IL21R: variants seen among roughly 807,000 people sequenced by gnomAD.
The protein encoded by IL21R is interleukin 21 receptor.
A neutral mutation model predicts 41.3 loss-of-function variants in IL21R; 14 were observed. The observed-to-expected ratio is 0.34, with a 90% confidence interval of 0.22 to 0.53. IL21R has a LOEUF of 0.53. IL21R is among the 20% of genes least tolerant of loss of function. The probability of loss-of-function intolerance (pLI) is 0.94; values close to 1 mark genes in which losing one functional copy is unlikely to be tolerated. For synonymous variants in IL21R, 286 were observed against 287.6 expected (o/e 0.99, Z 0.05); for missense variants, 588 against 681.6 (o/e 0.86, Z 1.53).
At chr16:27,410,981 G>A (rs973140585) in intron 1 of IL21R, among the ~76,000 whole-genome samples, 7 of 152,118 alleles carry the variant, frequency 4.6e-5, no homozygotes, top group Non-Finnish European at 5.9e-5. Context: ...CATCCATGTC[G>A]TAACATATGA....
rs539899147 is a variant in IL21R, at chr16:27,442,395, G to A, written c.353-567G>A. On this transcript the variant is annotated intron_variant, in intron 4 of 8. Transcript: ENST00000337929. ...TTGTTCGTTTTTGAGATGGAGTCTC[G>A]CTCTGTCGCCCGGGCTGGAGTGCAG... is the stretch of plus-strand genomic sequence containing the variant. Among the ~76,000 whole-genome samples, 69 of 152,172 alleles carry A rather than the reference G, an allele frequency of 4.5e-4. 1 individual carries two copies. The highest frequency in any genetic ancestry group is 1.5e-3 in the African/African-American group (62 of 41,518).
At chr16:27,447,604 C>G (rs2087505319) in intron 8 of IL21R, 1 of 152,268 alleles carries the variant, frequency 6.6e-6, no homozygotes, top group Non-Finnish European at 1.5e-5. Context: ...CACCCACATC[C>G]TTTATCCTCA....
intron 1 of IL21R, among the ~76,000 whole-genome samples, chr16:27,418,116 C>T (rs1343429940): frequency 1.3e-5 from 2 of 151,428 alleles, no homozygotes; most frequent in Non-Finnish European, 2.9e-5. Context: ...ATCGCCCAGG[C>T]TGGAGTGCAG....
rs553596346 is a variant in IL21R, at chr16:27,450,582, C to CTTTTTTT, written c.*1307_*1313dup. 11 of 181,490 alleles carry CTTTTTTT rather than the reference C, an allele frequency of 6.1e-5. No individual in the cohort carries two copies. Among genetic ancestry groups the CTTTTTTT allele is most frequent in the African/African-American group, 1.2e-4 (5 of 41,202 alleles). 11.2% of individuals were successfully genotyped at this position (181,490 alleles called of 1,614,324 possible). A position where few individuals can be genotyped will look rare whatever the true frequency, so the allele number is the denominator to read the frequency against. On this transcript the variant is annotated 3_prime_UTR_variant, in exon 9 of 9. Coordinates refer to ENST00000337929, the MANE Select transcript of IL21R (RefSeq NM_181078.3). ...TATTTCTTAGCAACATTTTCTTTTT[C>CTTTTTTT]TTTTTTTTTTTTTTCTTTTGAGACA...
At position 27,443,116 on chromosome 16, in the gene IL21R, G is replaced by T. The variant is rs1370676088; in HGVS notation, c.507G>T (p.Val169=). 6.2e-7 allele frequency: 1 copy of T among 1,608,206 alleles called. No homozygotes were observed. Among genetic ancestry groups the T allele is most frequent in the Non-Finnish European group, 8.5e-7 (1 of 1,177,272 alleles). Residue 169 remains valine, a splice_region_variant and synonymous_variant, in exon 5 of 9, where the codon GTG becomes GTT. Coordinates refer to ENST00000337929, the MANE Select transcript of IL21R (RefSeq NM_181078.3). ...QYRNRGDPWA[V]SPRRKLISVD... is the part of the protein sequence containing the mutation. ...GGAACCGGGGAGACCCCTGGGCTGT[G>T]GTGAGGAATGTGGGGATCAGTGCAG...
Position 27,445,189 on chromosome 16 carries a change from G to A in IL21R, c.698G>A (p.Gly233Asp). ...GCTTCCTTCCCAGAGTTAAAGGAAG[G>A]CTGGAACCCTCACCTGCTGCTTCTC... Reference protein sequence around the residue: ...FQTQSEELKEGWNPHLLLLLL... With the variant: ...FQTQSEELKEDWNPHLLLLLL... The change falls in exon 7 of 9, where the codon GGC (glycine) becomes GAC (aspartate). Residue 233 changes from glycine to aspartate, a missense_variant. Coordinates refer to ENST00000337929, the MANE Select transcript of IL21R (RefSeq NM_181078.3). 1.2e-6 allele frequency: 2 copies of A among 1,613,570 alleles called. No homozygotes were observed. Among genetic ancestry groups the A allele is most frequent in the Non-Finnish European group, 1.7e-6 (2 of 1,179,584 alleles).
chr16:27,418,231 G>A (rs1054006578), intron 1 of IL21R, among the ~76,000 whole-genome samples: 9 of 151,054 alleles, frequency 6.0e-5, no homozygotes, highest in African/African-American at 1.7e-4. Flanking sequence ...CACTGCGCCC[G>A]GCTAATTTTT....
At chr16:27,414,005 C>G (rs139517490) in intron 1 of IL21R, among the ~76,000 whole-genome samples, 1 of 151,856 alleles carries the variant, frequency 6.6e-6, no homozygotes, top group African/African-American at 2.4e-5. Flanking sequence ...TCTTATATAA[C>G]TTAAACACAT....
intron 1 of IL21R, among the ~76,000 whole-genome samples, chr16:27,417,125 G>T (rs892648044): frequency 6.7e-6 from 1 of 150,240 alleles, no homozygotes; most frequent in Non-Finnish European, 1.5e-5. Context: ...ACATATATCC[G>T]CAATTGTTTT....
intron 7 of IL21R, among the ~76,000 whole-genome samples, chr16:27,445,499 C>T (rs953069903): frequency 6.6e-6 from 1 of 152,164 alleles, no homozygotes; most frequent in Non-Finnish European, 1.5e-5. Flanking sequence ...CCTTATTTTA[C>T]AAATGGAGAA....
At chr16:27,427,840 G>T (rs931140613) in intron 1 of IL21R, among the ~76,000 whole-genome samples, 3 of 152,098 alleles carry the variant, frequency 2.0e-5, no homozygotes, top group Non-Finnish European at 4.4e-5. Flanking sequence ...CTCTGCAGGG[G>T]TTGGAATCAC....
chr16:27,425,159 C>T (rs1292157338), intron 1 of IL21R, among the ~76,000 whole-genome samples: 1 of 152,172 alleles, frequency 6.6e-6, no homozygotes, highest in East Asian at 1.9e-4. Context: ...CAAGGGGCTC[C>T]TGTAGCAGGA....
chr16:27,450,066 C>T lies in IL21R; in HGVS notation c.*783C>T, dbSNP rs1030967437. The T allele has an allele frequency of 8.6e-6, 2 of 232,568 alleles. No individual in the cohort carries two copies. The highest frequency in any genetic ancestry group is 4.4e-5 in the African/African-American group (2 of 45,292). 14.4% of individuals were successfully genotyped at this position (232,568 alleles called of 1,614,324 possible). A position where few individuals can be genotyped will look rare whatever the true frequency, so the allele number is the denominator to read the frequency against. On this transcript the variant is annotated 3_prime_UTR_variant, in exon 9 of 9. Transcript: ENST00000337929. ...AGAGCAGACCCTCAATAAACGTCAG[C>T]TTCCTTCCTTCTGCGGCCAGAGCCG...
At chr16:27,445,042 C>CACTTCAAGACACTA (rs1240083910) in intron 6 of IL21R, 135 bp from the exon 7 acceptor site, 7 of 656,966 alleles carry the variant, frequency 1.1e-5, no homozygotes, top group Non-Finnish European at 1.9e-5. Flanking sequence ...AGATCCATCT[C>CACTTCAAGACACTA]ACTTCAAGAC....
intron 1 of IL21R, among the ~76,000 whole-genome samples, chr16:27,414,921 A>C (rs8048732): frequency 6.6e-6 from 1 of 152,182 alleles, no homozygotes; most frequent in South Asian, 2.1e-4. Context: ...AGTTTGAGGC[A>C]CTAAGAAGGA....
At chr16:27,444,809 C>A in intron 6 of IL21R, 90 bp downstream of exon 6, 2 of 1,208,172 alleles carry the variant, frequency 1.7e-6, no homozygotes, top group Non-Finnish European at 2.3e-6. Flanking sequence ...TCTGGCACAG[C>A]TGGGAGGTAT....
Position 27,424,150 on chromosome 16 carries a change from C to T in IL21R, c.-16-5906C>T, listed in dbSNP as rs146271747. On this transcript the variant is annotated intron_variant, in intron 1 of 8. Transcript: ENST00000337929. ...AGTGCAGTGGTGCAATCTCGGCTCACTGCAACCTCCACCTCCCGGGTTCAA... is the reference window on the plus strand; with the variant it reads ...AGTGCAGTGGTGCAATCTCGGCTCATTGCAACCTCCACCTCCCGGGTTCAA... Among the ~76,000 whole-genome samples, 1,397 of 152,268 alleles carry T rather than the reference C, an allele frequency of 9.2e-3. 16 individuals are homozygous for T. Among genetic ancestry groups the T allele is most frequent in the African/African-American group, 0.032 (1,319 of 41,534 alleles).
chr16:27,443,168 G>A (rs144358646), intron 5 of IL21R, 52 bp downstream of exon 5: 89 of 1,485,628 alleles, frequency 6.0e-5, no homozygotes, highest in Admixed American at 1.2e-4. Flanking sequence ...GGGAGATGAC[G>A]GAGTGCAAAG....
chr16:27,422,349 A>G (rs576734906), intron 1 of IL21R, among the ~76,000 whole-genome samples: 1 of 152,242 alleles, frequency 6.6e-6, no homozygotes, highest in Non-Finnish European at 1.5e-5. Context: ...AAAAAATTTT[A>G]AGATCACTGC....
Sources: gnomAD v4.1 joint callset for allele counts (sites outside exome capture counted in the v4.1 genomes callset) on GRCh38, gnomAD v4.1.1 for gene constraint, MANE v1.5 for transcripts, NCBI Gene and HGNC (gene_info 2026-07-23, HGNC 2026-07-21) for gene names.